The following ZGPAT variants were observed in gnomAD, a reference collection of about 807,000 sequenced individuals.
ZGPAT encodes zinc finger CCCH-type with G patch domain-containing protein.
A neutral mutation model predicts 47.9 loss-of-function variants in ZGPAT; 39 were observed. The observed-to-expected ratio is 0.81, with a 90% CI of 0.63 to 1.06. The LOEUF (loss-of-function observed/expected upper bound fraction) is 1.06, where lower values mean the gene tolerates loss of function less well. Ranked by LOEUF, ZGPAT falls within the 50% of genes least tolerant of loss-of-function variation. ZGPAT has a pLI of 0.00. For missense variants in ZGPAT, 717 were observed against 681.4 expected (o/e 1.05, Z -0.58); for synonymous variants, 348 against 292.9 (o/e 1.19, Z -1.92).
chr20:63,713,937 T>C (rs1451143723), intron 2 of ZGPAT, among the ~76,000 whole-genome samples: 4 of 151,890 alleles, frequency 2.6e-5, no homozygotes, highest in South Asian at 2.1e-4. Context: ...GCTGAATTGG[T>C]TTATTAGTGC....
At position 63,735,789 on chromosome 20, in the gene ZGPAT, T is replaced by C; in HGVS notation, c.1406T>C (p.Val469Ala). 6.2e-7 allele frequency: 1 copy of C among 1,604,462 alleles called. No individual in the cohort carries two copies. The highest frequency in any genetic ancestry group is 1.3e-5 in the African/African-American group (1 of 74,760). Reference sequence around the variant, plus strand: ...AGTGAGCCCCTCCGCAGGCATAGCGTGGCGTCAGCCCAGCTGCAGGAGAAG... The same window carrying C: ...AGTGAGCCCCTCCGCAGGCATAGCGCGGCGTCAGCCCAGCTGCAGGAGAAG... ...ALARNAGRHS[V>A]ASAQLQEKLA... The change falls in exon 7 of 7, where the codon GTG (valine) becomes GCG (alanine). Residue 469 changes from valine to alanine, a missense_variant. Physicochemically the swap from Val to Ala is moderately conservative, Grantham distance 64 (BLOSUM62 0). Coordinates refer to ENST00000355969, the MANE Select transcript of ZGPAT (RefSeq NM_181485.3).
chr20:63,732,833 TG>T (rs1351091146), intron 2 of ZGPAT, among the ~76,000 whole-genome samples: 1 of 151,300 alleles, frequency 6.6e-6, no homozygotes, highest in Non-Finnish European at 1.5e-5. Flanking sequence ...TGTGTGTGCC[TG>T]TGTGAGTGCA....
rs73319758 is a variant in ZGPAT, at chr20:63,733,909, G to A, written c.871+170G>A. The A allele has an allele frequency of 2.4e-3, 1,948 of 816,822 alleles. 18 individuals carry two copies. The African/African-American group carries it at 0.027, about 11-fold the overall frequency. The allele number at this position is 816,822 out of a possible 1,614,324, so 50.6% of individuals were successfully genotyped here. A position where few individuals can be genotyped will look rare whatever the true frequency, so the allele number is the denominator to read the frequency against. On this transcript the variant is annotated intron_variant, in intron 4 of 6. Coordinates refer to ENST00000355969, the MANE Select transcript of ZGPAT (RefSeq NM_181485.3). ...GTGTGGGTAGGGGTAGATCCGTGGC[G>A]GCCTTTATCTTCAAGGAGTGTGGGT...
chr20:63,712,305 T>C (rs1274440065), intron 2 of ZGPAT, among the ~76,000 whole-genome samples: 1 of 152,222 alleles, frequency 6.6e-6, no homozygotes, highest in African/African-American at 2.4e-5. Flanking sequence ...CCAAAATCAA[T>C]TGGCAATATA....
intron 2 of ZGPAT, among the ~76,000 whole-genome samples, chr20:63,724,617 G>A (rs2091824483): frequency 6.6e-6 from 1 of 150,696 alleles, no homozygotes; most frequent in Non-Finnish European, 1.5e-5. Flanking sequence ...TCTTTCCTGT[G>A]AATTTGAGTT....
At chr20:63,719,478 C>G (rs1319648379) in intron 2 of ZGPAT, among the ~76,000 whole-genome samples, 2 of 151,936 alleles carry the variant, frequency 1.3e-5, no homozygotes, top group Non-Finnish European at 2.9e-5. Context: ...TCTTTCTGCT[C>G]CTCATTTTGG....
chr20:63,732,113 G>C (rs919574598), intron 2 of ZGPAT, among the ~76,000 whole-genome samples: 1 of 147,250 alleles, frequency 6.8e-6, no homozygotes, highest in Non-Finnish European at 1.5e-5. Flanking sequence ...ATGCATATAT[G>C]AGTGAGTGCA....
intron 2 of ZGPAT, among the ~76,000 whole-genome samples, chr20:63,722,968 C>T (rs1341825414): frequency 5.3e-5 from 8 of 152,128 alleles, no homozygotes; most frequent in Non-Finnish European, 8.8e-5. Context: ...GATCTACTTC[C>T]GTTGTACTAT....
In ZGPAT at chr20:63,709,114, G is replaced by A. The variant is rs754967197; in HGVS notation, c.534G>A (p.Lys178=). The A allele has an allele frequency of 3.7e-6, 6 of 1,612,902 alleles. No homozygotes were observed. Among genetic ancestry groups the A allele is most frequent in the South Asian group, 2.2e-5 (2 of 91,092 alleles). ...TGTACCCCACTCACAAGTCTCTGAA[G>A]CCGTGCCCGTTCTTCCTGGAGGGAA... ...LYLYPTHKSL[K]PCPFFLEGKC... is the part of the protein sequence containing the mutation. The change falls in exon 2 of 7, where the codon AAG becomes AAA. Residue 178 remains lysine (K), a synonymous_variant. Transcript: ENST00000355969.
intron 1 of ZGPAT, 26 bp from the exon 2 acceptor site, chr20:63,708,527 G>A: frequency 3.3e-6 from 5 of 1,505,988 alleles, no homozygotes; most frequent in Non-Finnish European, 3.6e-6. Flanking sequence ...CGAGACGCGG[G>A]GCTCAGCTGG....
At chr20:63,734,898 C>T (rs1476667916) in intron 5 of ZGPAT, 74 bp downstream of exon 5, 21 of 1,488,064 alleles carry the variant, frequency 1.4e-5, no homozygotes, top group Middle Eastern at 1.8e-4. Flanking sequence ...ATCAGGTTCC[C>T]GGGGTCCCGC....
chr20:63,708,642 A>G lies in ZGPAT; in HGVS notation c.62A>G (p.Glu21Gly). 2 of 1,612,102 alleles carry G rather than the reference A, an allele frequency of 1.2e-6. No homozygotes were observed. The highest frequency in any genetic ancestry group is 2.2e-5 in the South Asian group (2 of 91,042). The change falls in exon 2 of 7, where the codon GAG becomes GGG. Residue 21 changes from glutamate to glycine, a missense_variant. Glu to Gly is a moderately conservative substitution (Grantham distance 98, BLOSUM62 -2). Coordinates refer to ENST00000355969, the MANE Select transcript of ZGPAT (RefSeq NM_181485.3). Reference protein sequence around the residue: ...QTYRAQLQQVELALGAGLDSS... With the variant: ...QTYRAQLQQVGLALGAGLDSS... ...TACCGTGCGCAGCTGCAGCAGGTGG[A>G]GCTGGCCTTGGGCGCCGGCCTGGAT...
chr20:63,722,962 T>G (rs2091803536), intron 2 of ZGPAT, among the ~76,000 whole-genome samples: 2 of 152,186 alleles, frequency 1.3e-5, no homozygotes, highest in South Asian at 4.1e-4. Context: ...AACATAGATC[T>G]ACTTCCGTTG....
chr20:63,707,802 C>A (rs1220503578), upstream of ZGPAT: 1 of 152,330 alleles, frequency 6.6e-6, no homozygotes, highest in Non-Finnish European at 1.5e-5. Flanking sequence ...GTCACACCCG[C>A]GTCCCACCTC....
intron 4 of ZGPAT, 86 bp from the exon 5 acceptor site, chr20:63,734,619 C>T: frequency 2.5e-6 from 4 of 1,571,756 alleles, no homozygotes; most frequent in Non-Finnish European, 3.5e-6. Context: ...CTGGCTGGGC[C>T]ACTGCCCTCT....
rs148177105 is a variant in ZGPAT, at chr20:63,725,269, C to G, written c.585-7950C>G. Among the ~76,000 whole-genome samples, 486 of 152,336 alleles carry G rather than the reference C, an allele frequency of 3.2e-3. 4 individuals are homozygous for G. The highest frequency in any genetic ancestry group is 0.011 in the African/African-American group (461 of 41,576). On this transcript the variant is annotated intron_variant, in intron 2 of 6. Coordinates refer to ENST00000355969, the MANE Select transcript of ZGPAT (RefSeq NM_181485.3). Reference sequence around the variant, plus strand: ...AAAGTGCTGGGATTACAGGCGTGAGCCACCGCGCCCGGCTAGAATTTCTTG... The same window carrying G: ...AAAGTGCTGGGATTACAGGCGTGAGGCACCGCGCCCGGCTAGAATTTCTTG...
chr20:63,710,885 A>G (rs896034154), intron 2 of ZGPAT, among the ~76,000 whole-genome samples: 1 of 152,146 alleles, frequency 6.6e-6, no homozygotes, highest in Non-Finnish European at 1.5e-5. Context: ...CTAAGCGCAT[A>G]GCTTTATTTT....
At chr20:63,716,265 G>A (rs950015637) in intron 2 of ZGPAT, among the ~76,000 whole-genome samples, 7 of 152,086 alleles carry the variant, frequency 4.6e-5, no homozygotes, top group African/African-American at 1.4e-4. Flanking sequence ...CCTGACCTCA[G>A]GTGATCCACC....
chr20:63,721,168 A>G (rs1384893659), intron 2 of ZGPAT, among the ~76,000 whole-genome samples: 3 of 152,076 alleles, frequency 2.0e-5, no homozygotes, highest in Admixed American at 2.0e-4. Flanking sequence ...CCTGGCCAGT[A>G]TGGTGAAACC....
Sources: gnomAD v4.1 joint callset for allele counts (sites outside exome capture counted in the v4.1 genomes callset) on GRCh38, gnomAD v4.1.1 for gene constraint, MANE v1.5 for transcripts, NCBI Gene and HGNC (gene_info 2026-07-23, HGNC 2026-07-21) for gene names.